IFNGR2: variants seen among roughly 807,000 people sequenced by gnomAD.
IFNGR2 encodes the protein IFN-gamma receptor 2.
A neutral mutation model predicts 41.1 loss-of-function variants in IFNGR2; 15 were observed. The observed-to-expected ratio is 0.37, with a 90% CI of 0.24 to 0.56. The LOEUF (loss-of-function observed/expected upper bound fraction) is 0.56. Among genes scored for constraint, IFNGR2 ranks in the 20% least tolerant of loss-of-function variants. The pLI, the probability that IFNGR2 is intolerant of heterozygous loss-of-function variation, is 0.81. For missense variants in IFNGR2, 362 were observed against 415.7 expected (o/e 0.87, Z 1.12); for synonymous variants, 161 against 171.6 (o/e 0.94, Z 0.48).
At chr21:33,422,378 T>C (rs2123350331) in intron 3 of IFNGR2, among the ~76,000 whole-genome samples, 1 of 152,308 alleles carries the variant, frequency 6.6e-6, no homozygotes, top group Admixed American at 6.5e-5. Context: ...CTTACATGGA[T>C]CTTGATTTAG....
At chr21:33,432,375 A>G in intron 5 of IFNGR2, 39 bp downstream of exon 5, 1 of 1,574,814 alleles carries the variant, frequency 6.3e-7, no homozygotes, top group Non-Finnish European at 8.7e-7. Context: ...GAACTGGGAA[A>G]AGAATACTCC....
intron 6 of IFNGR2, among the ~76,000 whole-genome samples, chr21:33,435,761 T>C (rs917561816): frequency 6.6e-5 from 10 of 151,526 alleles, no homozygotes; most frequent in Non-Finnish European, 1.5e-4. Context: ...CATGCGCCTG[T>C]AGTCCCAGCT....
chr21:33,423,361 T>A (rs1159287707), intron 3 of IFNGR2, among the ~76,000 whole-genome samples: 2 of 149,664 alleles, frequency 1.3e-5, no homozygotes, highest in African/African-American at 4.9e-5. Context: ...ACTTTCTATG[T>A]GTTTGAAATT....
intron 6 of IFNGR2, among the ~76,000 whole-genome samples, chr21:33,434,536 A>C (rs944438164): frequency 1.3e-5 from 2 of 152,104 alleles, no homozygotes; most frequent in African/African-American, 2.4e-5. Context: ...AAATAAAATA[A>C]ATAAAAAGCA....
At chr21:33,409,786 G>A (rs1377597793) in intron 1 of IFNGR2, among the ~76,000 whole-genome samples, 4 of 152,156 alleles carry the variant, frequency 2.6e-5, no homozygotes, top group Non-Finnish European at 5.9e-5. Context: ...AAAATGTGTC[G>A]TTATTTTTTC....
At chr21:33,431,391 G>A (rs1466314986) in intron 4 of IFNGR2, among the ~76,000 whole-genome samples, 4 of 152,080 alleles carry the variant, frequency 2.6e-5, no homozygotes, top group African/African-American at 9.7e-5. Flanking sequence ...GCAACATGGT[G>A]AAACCCTGTT....
intron 1 of IFNGR2, among the ~76,000 whole-genome samples, chr21:33,412,681 A>G (rs983097321): frequency 1.3e-5 from 2 of 152,070 alleles, no homozygotes; most frequent in Non-Finnish European, 2.9e-5. Flanking sequence ...TCAGCCTCCC[A>G]GGTCGCTGGG....
intron 2 of IFNGR2, among the ~76,000 whole-genome samples, chr21:33,418,219 G>T (rs2083767159): frequency 6.6e-6 from 1 of 152,000 alleles, no homozygotes; most frequent in African/African-American, 2.4e-5. Flanking sequence ...ACTACGCCCG[G>T]CTGATTTTTA....
chr21:33,437,258 C>G lies in IFNGR2; in HGVS notation c.*296C>G. 2.8e-6 allele frequency: 1 copy of G among 361,842 alleles called. No homozygotes were observed. Among genetic ancestry groups the G allele is most frequent in the Non-Finnish European group, 5.2e-6 (1 of 193,096 alleles). 22.4% of individuals were successfully genotyped at this position (361,842 alleles called of 1,614,324 possible). ...TTGCTTGTTAGCAAAATGGATATGACACATCTCTGATACTTTTTTCATTAT... is the reference window on the plus strand; with the variant it reads ...TTGCTTGTTAGCAAAATGGATATGAGACATCTCTGATACTTTTTTCATTAT... On this transcript the variant is annotated 3_prime_UTR_variant, in exon 7 of 7. Transcript: ENST00000290219.
intron 1 of IFNGR2, among the ~76,000 whole-genome samples, chr21:33,409,434 G>T (rs1199815763): frequency 6.6e-6 from 1 of 152,072 alleles, no homozygotes; most frequent in Non-Finnish European, 1.5e-5. Context: ...ACGCCACTGC[G>T]ACACTGCACT....
intron 6 of IFNGR2, among the ~76,000 whole-genome samples, chr21:33,434,401 A>T (rs1406361659): frequency 1.3e-5 from 2 of 152,250 alleles, no homozygotes; most frequent in East Asian, 3.9e-4. Flanking sequence ...GGGCGCCTGT[A>T]ATCCCAGCTA....
chr21:33,418,600 C>T (rs187968066), intron 2 of IFNGR2, among the ~76,000 whole-genome samples: 67 of 152,212 alleles, frequency 4.4e-4, no homozygotes, highest in African/African-American at 1.6e-3. Flanking sequence ...TAAAGCATTG[C>T]TATGATTAAA....
chr21:33,410,167 T>A (rs2083705900), intron 1 of IFNGR2, among the ~76,000 whole-genome samples: 2 of 62,300 alleles, frequency 3.2e-5, no homozygotes, highest in Admixed American at 1.6e-4. Context: ...ATTACAATAA[T>A]TTTTTTTTTT....
intron 1 of IFNGR2, chr21:33,410,769 A>G: frequency 1.8e-6 from 2 of 1,127,940 alleles, no homozygotes; most frequent in Non-Finnish European, 2.6e-6. Context: ...CGCCCATCCA[A>G]TTAGAATAAC....
intron 1 of IFNGR2, chr21:33,411,524 G>A (rs1376164857): frequency 4.2e-6 from 2 of 470,964 alleles, no homozygotes; most frequent in East Asian, 7.0e-5. Flanking sequence ...CTCAGAGTCC[G>A]TGAACCTGGG....
In IFNGR2 at chr21:33,427,165, T is replaced by G. The variant is rs1028463580; in HGVS notation, c.561+133T>G. Reference sequence around the variant, plus strand: ...CCGTGTCCCCATAGAGGCTGAGCCCTGAGCCTGTTTTCATTGTCCTCTTCA... The same window carrying G: ...CCGTGTCCCCATAGAGGCTGAGCCCGGAGCCTGTTTTCATTGTCCTCTTCA... On this transcript the variant is annotated intron_variant, in intron 4 of 6. Coordinates refer to ENST00000290219, the MANE Select transcript of IFNGR2 (RefSeq NM_005534.4). 6 of 816,578 alleles carry G rather than the reference T, an allele frequency of 7.3e-6. No homozygotes were observed. The African/African-American group carries it at 8.6e-5, about 12-fold the overall frequency. The allele number at this position is 816,578 out of a possible 1,614,324, so 50.6% of individuals were successfully genotyped here.
chr21:33,416,941 T>C (rs1254980535), intron 2 of IFNGR2, among the ~76,000 whole-genome samples: 1 of 150,238 alleles, frequency 6.7e-6, no homozygotes, highest in Non-Finnish European at 1.5e-5. Context: ...TTTTTTTTTT[T>C]TGAGACAAAG....
intron 2 of IFNGR2, 78 bp downstream of exon 2, chr21:33,415,098 C>T: frequency 1.3e-6 from 2 of 1,519,464 alleles, no homozygotes; most frequent in Non-Finnish European, 1.8e-6. Flanking sequence ...CATACTAGTC[C>T]CTGCCTCTGT....
At chr21:33,426,561 A>G (rs955440237) in intron 3 of IFNGR2, among the ~76,000 whole-genome samples, 6 of 151,434 alleles carry the variant, frequency 4.0e-5, no homozygotes, top group African/African-American at 1.5e-4. Flanking sequence ...TTCTAAAAAT[A>G]TAAAAATTAG....
Sources: gnomAD v4.1 joint callset for allele counts (sites outside exome capture counted in the v4.1 genomes callset) on GRCh38, gnomAD v4.1.1 for gene constraint, MANE v1.5 for transcripts, NCBI Gene and HGNC (gene_info 2026-07-23, HGNC 2026-07-21) for gene names.